AGBL4: variants seen among roughly 807,000 people sequenced by gnomAD.
AGBL4 encodes cytosolic carboxypeptidase 6.
A neutral mutation model predicts 66.4 loss-of-function variants in AGBL4; 58 were observed. The observed-to-expected ratio is 0.87, with a 90% CI of 0.71 to 1.09. AGBL4 has a LOEUF of 1.09. Among genes scored for constraint, AGBL4 ranks in the 50% least tolerant of loss-of-function variants. AGBL4 has a pLI of 0.00. For missense variants in AGBL4, 579 were observed against 631.0 expected (o/e 0.92, Z 0.88); for synonymous variants, 234 against 222.9 (o/e 1.05, Z -0.44).
chr1:49,796,959 G>C (rs1420683464), intron 2 of AGBL4, among the ~76,000 whole-genome samples: 1 of 151,968 alleles, frequency 6.6e-6, no homozygotes, highest in Non-Finnish European at 1.5e-5. Context: ...TTTGTTAAAA[G>C]ACTAGATCTC....
intron 3 of AGBL4, among the ~76,000 whole-genome samples, chr1:49,675,979 C>A (rs932620021): frequency 1.1e-4 from 17 of 152,060 alleles, no homozygotes; most frequent in Non-Finnish European, 2.9e-5. Flanking sequence ...TAAAAATAAA[C>A]CCCTCACAAT....
intron 4 of AGBL4, among the ~76,000 whole-genome samples, chr1:49,153,043 G>A (rs1646367864): frequency 6.6e-6 from 1 of 152,072 alleles, no homozygotes; most frequent in Non-Finnish European, 1.5e-5. Context: ...GGAAGGGAGG[G>A]AGGAGACTTG....
chr1:49,558,596 C>T (rs952485686), intron 3 of AGBL4, among the ~76,000 whole-genome samples: 2 of 152,106 alleles, frequency 1.3e-5, no homozygotes, highest in African/African-American at 2.4e-5. Flanking sequence ...GCTTTGGCCT[C>T]CCAAAGTGCT....
chr1:49,729,285 C>G (rs1649253734), intron 2 of AGBL4, among the ~76,000 whole-genome samples: 1 of 152,256 alleles, frequency 6.6e-6, no homozygotes, highest in East Asian at 1.9e-4. Flanking sequence ...ACTAAATACA[C>G]TCGCAGCTGC....
At chr1:49,547,569 G>A (rs1015569834) in intron 3 of AGBL4, among the ~76,000 whole-genome samples, 14 of 152,070 alleles carry the variant, frequency 9.2e-5, no homozygotes, top group Middle Eastern at 3.2e-3. Context: ...TGGGGATAGC[G>A]TTGAATTTGT....
chr1:49,185,621 C>T (rs928448319), intron 4 of AGBL4, among the ~76,000 whole-genome samples: 7 of 152,166 alleles, frequency 4.6e-5, no homozygotes, highest in East Asian at 1.9e-4. Flanking sequence ...CTGATCATGC[C>T]TCACATTGAA....
chr1:48,913,103 G>A (rs1653283644), intron 5 of AGBL4, among the ~76,000 whole-genome samples: 1 of 152,134 alleles, frequency 6.6e-6, no homozygotes, highest in Admixed American at 6.5e-5. Context: ...GGAGAGGAGT[G>A]AGATGAGTTG....
At chr1:48,574,078 T>C (rs188181400) in intron 11 of AGBL4, among the ~76,000 whole-genome samples, 9 of 152,358 alleles carry the variant, frequency 5.9e-5, no homozygotes, top group Admixed American at 4.6e-4. Context: ...ATGGCATCTG[T>C]TATATCTCAG....
At chr1:49,243,119 G>T (rs1651367328) in intron 4 of AGBL4, among the ~76,000 whole-genome samples, 1 of 150,986 alleles carries the variant, frequency 6.6e-6, no homozygotes, top group South Asian at 2.1e-4. Context: ...GGAAATTTCA[G>T]ATTTTTAGTG....
intron 3 of AGBL4, among the ~76,000 whole-genome samples, chr1:49,672,293 A>G (rs2124528824): frequency 6.6e-6 from 1 of 151,992 alleles, no homozygotes; most frequent in African/African-American, 2.4e-5. Context: ...ATAAGAACAT[A>G]TAAACACAAA....
intron 1 of AGBL4, among the ~76,000 whole-genome samples, chr1:49,915,178 T>C (rs1002292581): frequency 7.2e-5 from 11 of 151,968 alleles, no homozygotes; most frequent in Admixed American, 7.2e-4. Flanking sequence ...GACAGGTGAT[T>C]TCTGCATTTC....
intron 1 of AGBL4, among the ~76,000 whole-genome samples, chr1:49,872,027 G>A (rs1455075886): frequency 1.3e-5 from 2 of 152,042 alleles, no homozygotes; most frequent in African/African-American, 4.8e-5. Context: ...CATTCATGAG[G>A]ATTGTTGATC....
intron 5 of AGBL4, among the ~76,000 whole-genome samples, chr1:48,893,223 C>T (rs1261090372): frequency 5.9e-5 from 9 of 152,064 alleles, no homozygotes; most frequent in Non-Finnish European, 1.3e-4. Flanking sequence ...AATCTACCAA[C>T]CTAAAATGTA....
intron 3 of AGBL4, among the ~76,000 whole-genome samples, chr1:49,383,920 C>T (rs964845263): frequency 1.3e-5 from 2 of 151,980 alleles, no homozygotes; most frequent in African/African-American, 4.8e-5. Context: ...CCTCAGCCTC[C>T]TGAATAGCTG....
At chr1:49,053,506 A>T (rs1463238386) in intron 4 of AGBL4, among the ~76,000 whole-genome samples, 1 of 152,144 alleles carries the variant, frequency 6.6e-6, no homozygotes, top group Non-Finnish European at 1.5e-5. Flanking sequence ...AGATACATGG[A>T]GCCTCCAGGT....
chr1:49,933,124 C>T (rs1002240923), intron 1 of AGBL4, among the ~76,000 whole-genome samples: 2 of 152,042 alleles, frequency 1.3e-5, no homozygotes, highest in African/African-American at 4.8e-5. Flanking sequence ...GATAAACCTG[C>T]AATCAAATTT....
intron 3 of AGBL4, among the ~76,000 whole-genome samples, chr1:49,518,605 G>T (rs1327167703): frequency 1.3e-5 from 2 of 151,904 alleles, no homozygotes; most frequent in Non-Finnish European, 2.9e-5. Flanking sequence ...TCTATCCTTG[G>T]TTTCTTCATT....
intron 1 of AGBL4, among the ~76,000 whole-genome samples, chr1:49,926,748 T>C (rs1187175618): frequency 6.6e-6 from 1 of 152,110 alleles, no homozygotes; most frequent in Non-Finnish European, 1.5e-5. Context: ...AACTTGAAAT[T>C]GATATACTGA....
At chr1:48,546,864 A>ACACACACAC (rs1553185398) in intron 11 of AGBL4, among the ~76,000 whole-genome samples, 2,710 of 128,300 alleles carry the variant, frequency 0.021, 35 homozygotes, top group Non-Finnish European at 0.028. Flanking sequence ...AAAACAAACA[A>ACACACACAC]ACACACACAC....
Sources: gnomAD v4.1 joint callset for allele counts (sites outside exome capture counted in the v4.1 genomes callset) on GRCh38, gnomAD v4.1.1 for gene constraint, MANE v1.5 for transcripts, NCBI Gene and HGNC (gene_info 2026-07-23, HGNC 2026-07-21) for gene names.